MAGI2: variants seen among roughly 807,000 people sequenced by gnomAD.
MAGI2 encodes the protein membrane associated guanylate kinase, WW and PDZ domain containing 2, also known as membrane-associated guanylate kinase, WW and PDZ domain-containing protein 2.
A neutral mutation model predicts 133.3 loss-of-function variants in MAGI2; 35 were observed. The observed-to-expected ratio is 0.26, with a 90% CI of 0.20 to 0.35. MAGI2 has a LOEUF of 0.35. Among genes scored for constraint, MAGI2 ranks in the 10% least tolerant of loss-of-function variants. The probability of loss-of-function intolerance (pLI) is 1.00; values close to 1 mark genes in which losing one functional copy is unlikely to be tolerated. For synonymous variants in MAGI2, 729 were observed against 710.6 expected, an observed-to-expected ratio of 1.03 and a Z score of -0.41; for missense variants, 1,636 against 1,863.4, an observed-to-expected ratio of 0.88 and a Z score of 2.25.
At chr7:78,676,206 A>G (rs2151084465) in intron 2 of MAGI2, among the ~76,000 whole-genome samples, 1 of 152,312 alleles carries the variant, frequency 6.6e-6, no homozygotes, top group East Asian at 1.9e-4. Context: ...AAAAGATATA[A>G]TGCCATTATA....
chr7:78,815,717 G>A (rs1236274683), intron 2 of MAGI2, among the ~76,000 whole-genome samples: 3 of 152,012 alleles, frequency 2.0e-5, no homozygotes, highest in African/African-American at 7.2e-5. Flanking sequence ...TTGTTTTGGG[G>A]CATCACGAAT....
intron 2 of MAGI2, chr7:78,946,665 G>T (rs1801441500): frequency 6.6e-6 from 1 of 152,050 alleles, no homozygotes; most frequent in South Asian, 2.1e-4. Context: ...CTGCTTCTGG[G>T]TTATGTTTAT....
chr7:78,176,841 C>CT (rs1826667598), intron 14 of MAGI2, among the ~76,000 whole-genome samples: 1 of 151,058 alleles, frequency 6.6e-6, no homozygotes, highest in Admixed American at 6.6e-5. Context: ...GGACAAGACT[C>CT]TGTCTCAGGA....
chr7:78,743,841 A>G (rs1822661547), intron 2 of MAGI2, among the ~76,000 whole-genome samples: 2 of 152,110 alleles, frequency 1.3e-5, no homozygotes, highest in Admixed American at 1.3e-4. Context: ...CCAATGAACC[A>G]TTTCTGGGAA....
chr7:78,664,507 A>G (rs1407762473), intron 2 of MAGI2, among the ~76,000 whole-genome samples: 2 of 152,064 alleles, frequency 1.3e-5, no homozygotes, highest in Non-Finnish European at 2.9e-5. Context: ...GAACTTTCAT[A>G]GATAATTTTA....
At chr7:78,360,705 T>A (rs978508765) in intron 7 of MAGI2, among the ~76,000 whole-genome samples, 1 of 152,056 alleles carries the variant, frequency 6.6e-6, no homozygotes, top group African/African-American at 2.4e-5. Flanking sequence ...GGGACAGGGG[T>A]CCCCTCTTCC....
At chr7:78,288,113 G>A (rs187954992) in intron 9 of MAGI2, among the ~76,000 whole-genome samples, 463 of 152,212 alleles carry the variant, frequency 3.0e-3, no homozygotes, top group Middle Eastern at 6.8e-3. Flanking sequence ...AAACGCATGA[G>A]ATCACTTAAT....
intron 10 of MAGI2, among the ~76,000 whole-genome samples, chr7:78,248,542 G>C (rs564403650): frequency 3.7e-4 from 56 of 152,184 alleles, no homozygotes; most frequent in African/African-American, 1.3e-3. Context: ...TTAACCTTAA[G>C]GACACACAGA....
At chr7:78,367,709 A>G (rs1793522845) in intron 7 of MAGI2, among the ~76,000 whole-genome samples, 1 of 152,342 alleles carries the variant, frequency 6.6e-6, no homozygotes, top group South Asian at 2.1e-4. Flanking sequence ...CTTTCCTTAC[A>G]TGGAATTTCC....
chr7:79,399,101 T>A (rs1352756039), intron 1 of MAGI2, among the ~76,000 whole-genome samples: 1 of 143,796 alleles, frequency 7.0e-6, no homozygotes, highest in Non-Finnish European at 1.5e-5. Context: ...TTTTCTTTTT[T>A]TTTTTTTTTG....
chr7:79,276,650 T>C (rs998076624), intron 1 of MAGI2, among the ~76,000 whole-genome samples: 2 of 152,182 alleles, frequency 1.3e-5, no homozygotes, highest in African/African-American at 4.8e-5. Context: ...CTGTGAATAT[T>C]GTTGAAATGA....
At chr7:79,432,811 G>C (rs1847864986) in intron 1 of MAGI2, among the ~76,000 whole-genome samples, 1 of 152,212 alleles carries the variant, frequency 6.6e-6, no homozygotes, top group Admixed American at 6.5e-5. Flanking sequence ...GAGTGTCTTT[G>C]AAGAACATAC....
intron 1 of MAGI2, among the ~76,000 whole-genome samples, chr7:79,407,859 A>G (rs1186951253): frequency 2.0e-5 from 3 of 152,092 alleles, no homozygotes; most frequent in Non-Finnish European, 4.4e-5. Flanking sequence ...TATACATAGC[A>G]TAAGGATTGT....
At chr7:79,078,241 T>A (rs1815715814) in intron 1 of MAGI2, among the ~76,000 whole-genome samples, 1 of 152,336 alleles carries the variant, frequency 6.6e-6, no homozygotes, top group African/African-American at 2.4e-5. Context: ...TCAGGCTATT[T>A]AAGTGTTCTC....
intron 2 of MAGI2, among the ~76,000 whole-genome samples, chr7:78,639,598 G>C (rs1248798466): frequency 6.6e-6 from 1 of 152,080 alleles, no homozygotes; most frequent in Non-Finnish European, 1.5e-5. Flanking sequence ...ATGAAAAGCA[G>C]AACAAAAATT....
intron 1 of MAGI2, among the ~76,000 whole-genome samples, chr7:79,113,130 A>G (rs975667572): frequency 3.3e-5 from 5 of 152,178 alleles, no homozygotes; most frequent in Admixed American, 1.3e-4. Context: ...TGTGCTTTCA[A>G]TGTTGTGAAA....
intron 10 of MAGI2, among the ~76,000 whole-genome samples, chr7:78,250,346 G>GA (rs1792260472): frequency 6.6e-6 from 1 of 151,982 alleles, no homozygotes; most frequent in Non-Finnish European, 1.5e-5. Context: ...TAGACGGAGT[G>GA]AAAAAGGGAA....
At chr7:78,823,476 G>C (rs1461139631) in intron 2 of MAGI2, among the ~76,000 whole-genome samples, 1 of 151,600 alleles carries the variant, frequency 6.6e-6, no homozygotes, top group Non-Finnish European at 1.5e-5. Context: ...CCAGCTACTG[G>C]GGAGGCTGAG....
intron 1 of MAGI2, among the ~76,000 whole-genome samples, chr7:79,318,797 C>T (rs1388017537): frequency 6.6e-6 from 1 of 152,106 alleles, no homozygotes; most frequent in African/African-American, 2.4e-5. Flanking sequence ...TTCTCTTTTT[C>T]CAGTAAGTTT....
Sources: gnomAD v4.1 joint callset for allele counts (sites outside exome capture counted in the v4.1 genomes callset) on GRCh38, gnomAD v4.1.1 for gene constraint, MANE v1.5 for transcripts, NCBI Gene and HGNC (gene_info 2026-07-23, HGNC 2026-07-21) for gene names.